The following NR6A1 variants were observed in gnomAD, a reference collection of about 807,000 sequenced individuals.
NR6A1 encodes the protein retinoic acid receptor-related testis-associated receptor.
NR6A1 carries 7 observed loss-of-function variants against 59.1 expected under a neutral mutation model. The ratio of observed to expected loss-of-function variants is 0.12; its 90% confidence interval spans 0.07 to 0.22. NR6A1 has a LOEUF of 0.22. Among genes scored for constraint, NR6A1 ranks in the 10% least tolerant of loss-of-function variants. The probability of loss-of-function intolerance (pLI) is 1.00; values close to 1 mark genes in which losing one functional copy is unlikely to be tolerated. For missense variants in NR6A1, 468 were observed against 611.6 expected (o/e 0.77, Z 2.48); for synonymous variants, 243 against 236.1 (o/e 1.03, Z -0.27).
At chr9:124,537,341 C>G (rs1162228432) in intron 6 of NR6A1, among the ~76,000 whole-genome samples, 1 of 152,194 alleles carries the variant, frequency 6.6e-6, no homozygotes, top group Admixed American at 6.5e-5. Flanking sequence ...CCCACCTAGG[C>G]CTTCCAAAGT....
At chr9:124,770,692 G>A (rs1177009213) in intron 1 of NR6A1, among the ~76,000 whole-genome samples, 3 of 119,844 alleles carry the variant, frequency 2.5e-5, no homozygotes, top group Non-Finnish European at 5.3e-5. Context: ...GAGGAGGGAG[G>A]ATTGGTGCTG....
At chr9:124,669,691 T>TTACCC (rs1281650407) in intron 2 of NR6A1, among the ~76,000 whole-genome samples, 1 of 152,224 alleles carries the variant, frequency 6.6e-6, no homozygotes, top group East Asian at 1.9e-4. Flanking sequence ...ACAGGAATGT[T>TTACCC]TACCCAAGTA....
intron 2 of NR6A1, among the ~76,000 whole-genome samples, chr9:124,720,187 G>C (rs1198745189): frequency 6.6e-6 from 1 of 151,954 alleles, no homozygotes; most frequent in African/African-American, 2.4e-5. Flanking sequence ...AAGTAGCTGG[G>C]ATTACAAGCA....
At chr9:124,635,670 G>A (rs1358328340) in intron 2 of NR6A1, among the ~76,000 whole-genome samples, 2 of 152,166 alleles carry the variant, frequency 1.3e-5, no homozygotes, top group East Asian at 3.8e-4. Context: ...ATGCATCTAA[G>A]TCTCCTCTAT....
At chr9:124,554,660 A>G in intron 2 of NR6A1, 90 bp from the exon 3 acceptor site, 1 of 1,533,940 alleles carries the variant, frequency 6.5e-7, no homozygotes, top group Admixed American at 1.7e-5. Context: ...GTAGATTAAG[A>G]CCACCACTAT....
intron 2 of NR6A1, among the ~76,000 whole-genome samples, chr9:124,628,642 A>T (rs1182094915): frequency 7.2e-6 from 1 of 138,784 alleles, no homozygotes; most frequent in Non-Finnish European, 1.6e-5. Context: ...CGTCCAGCCT[A>T]TTTTTTTTTT....
chr9:124,665,021 A>C (rs1417807725), intron 2 of NR6A1, among the ~76,000 whole-genome samples: 15 of 150,646 alleles, frequency 1.0e-4, no homozygotes, highest in Middle Eastern at 3.4e-3. Flanking sequence ...AAAAAAAAAA[A>C]AAAAAAAAAA....
chr9:124,629,344 G>GC (rs1836351846), intron 2 of NR6A1, among the ~76,000 whole-genome samples: 1 of 152,222 alleles, frequency 6.6e-6, no homozygotes, highest in African/African-American at 2.4e-5. Context: ...AAGTGTGACA[G>GC]CAAGTTATTT....
chr9:124,599,086 T>C (rs1835370348), intron 2 of NR6A1: 1 of 714,902 alleles, frequency 1.4e-6, no homozygotes, highest in Admixed American at 1.9e-5. Context: ...CACCAGTGCC[T>C]CGCTCGTTCC....
Position 124,538,248 on chromosome 9 carries a change from T to C in NR6A1, c.668A>G (p.Tyr223Cys). The C allele has an allele frequency of 1.9e-6, 3 of 1,614,126 alleles. No homozygotes were observed. In the South Asian group the frequency reaches 3.3e-5, roughly 18 times the overall value. ...QYMGMSVPPH[Y>C]QYIPHLFSYS... ...GCTAAAAAGGTGCGGTATATATTGG[T>C]AATGTGGAGGCACAGACATTCCCAT... is the stretch of plus-strand genomic sequence containing the variant. The change falls in exon 6 of 10, where the codon TAC becomes TGC. Residue 223 changes from tyrosine (Y) to cysteine (C), a missense_variant. This residue lies in a region of NR6A1 where 151 missense variants were observed against 142.8 expected (regional missense o/e 1.06). Transcript: ENST00000487099.
At chr9:124,727,152 T>G (rs1291412243) in intron 2 of NR6A1, among the ~76,000 whole-genome samples, 4 of 152,234 alleles carry the variant, frequency 2.6e-5, no homozygotes, top group African/African-American at 9.6e-5. Flanking sequence ...AAATGAAAGC[T>G]CTTTTTTGCA....
chr9:124,537,802 C>T (rs1322328480), intron 6 of NR6A1, among the ~76,000 whole-genome samples: 1 of 152,118 alleles, frequency 6.6e-6, no homozygotes, highest in Non-Finnish European at 1.5e-5. Context: ...TGGAAGTGCT[C>T]TGACCCATCC....
chr9:124,532,792 G>A (rs766007925), intron 7 of NR6A1, among the ~76,000 whole-genome samples: 3 of 152,200 alleles, frequency 2.0e-5, no homozygotes, highest in East Asian at 1.9e-4. Flanking sequence ...CACTCGCCAC[G>A]TGGCTACTGA....
chr9:124,536,188 G>C, intron 6 of NR6A1, 56 bp from the exon 7 acceptor site: 1 of 1,569,582 alleles, frequency 6.4e-7, no homozygotes, highest in Non-Finnish European at 8.6e-7. Flanking sequence ...TGAGGATAAG[G>C]GTACAGAGAG....
Position 124,700,419 on chromosome 9 carries a change from C to T in NR6A1, c.142+32889G>A, listed in dbSNP as rs1482293581. ...TTTTTTTAGTAAAGATGGGGTTTCACCATGTTGGCAAGGCTGGTCTCGAAC... is the reference window on the plus strand; with the variant it reads ...TTTTTTTAGTAAAGATGGGGTTTCATCATGTTGGCAAGGCTGGTCTCGAAC... On this transcript the variant is annotated intron_variant, in intron 2 of 9. Coordinates refer to ENST00000487099, the MANE Select transcript of NR6A1 (RefSeq NM_033334.4). Among the ~76,000 whole-genome samples, 3 of 151,898 alleles carry T rather than the reference C, an allele frequency of 2.0e-5. No individual in the cohort carries two copies. The East Asian group carries it at 5.8e-4, about 29-fold the overall frequency.
At chr9:124,570,808 C>A (rs7034076) in intron 2 of NR6A1, among the ~76,000 whole-genome samples, 92,304 of 151,800 alleles carry the variant, frequency 0.61, 29,528 homozygotes, top group African/African-American at 0.82. Context: ...AAAAAATATA[C>A]AGGCATTTCA....
At chr9:124,575,743 C>T (rs1400631671) in intron 2 of NR6A1, among the ~76,000 whole-genome samples, 5 of 152,010 alleles carry the variant, frequency 3.3e-5, no homozygotes, top group Admixed American at 6.5e-5. Context: ...ACTGTGAGGA[C>T]TGAGTTATTA....
chr9:124,705,646 C>T (rs1420690189), intron 2 of NR6A1, among the ~76,000 whole-genome samples: 1 of 151,970 alleles, frequency 6.6e-6, no homozygotes, highest in Admixed American at 6.5e-5. Flanking sequence ...ATAGATGGTA[C>T]ATTCACATTT....
chr9:124,532,098 G>A (rs1833117076), intron 7 of NR6A1, among the ~76,000 whole-genome samples: 1 of 152,132 alleles, frequency 6.6e-6, no homozygotes, highest in Non-Finnish European at 1.5e-5. Flanking sequence ...ATTGACATTT[G>A]AGCACCTTCA....
Sources: allele counts gnomAD v4.1 joint callset (sites outside exome capture counted in the v4.1 genomes callset), GRCh38; gene constraint gnomAD v4.1.1; regional missense constraint gnomAD v4.1.1; transcripts MANE v1.5; gene names NCBI Gene and HGNC (gene_info 2026-07-23, HGNC 2026-07-21).